The following PCDHA8 variants were observed in gnomAD, a reference collection of about 807,000 sequenced individuals.
PCDHA8 encodes the protein protocadherin alpha 8.
Under a neutral mutation model 61.8 loss-of-function variants are expected in PCDHA8, and 53 were observed. That is an observed-to-expected ratio of 0.86 (90% CI 0.69 to 1.08). The LOEUF (loss-of-function observed/expected upper bound fraction) is 1.08, where lower values mean the gene tolerates loss of function less well. Ranked by LOEUF, PCDHA8 falls within the 50% of genes least tolerant of loss-of-function variation. The pLI is 0.00. For missense variants in PCDHA8, 1,293 were observed against 1,245.0 expected (o/e 1.04, Z -0.58); for synonymous variants, 618 against 556.6 (o/e 1.11, Z -1.55).
rs782568724 is a variant in PCDHA8, at chr5:140,927,659, A to C, written c.2395-51290A>C. Reference sequence around the variant, plus strand: ...AATGGGACTGTGTTATTCCGAGTTCAAGCCTTGGATCCAGATGAAGGGTCC... The same window carrying C: ...AATGGGACTGTGTTATTCCGAGTTCCAGCCTTGGATCCAGATGAAGGGTCC... On this transcript the variant is annotated intron_variant, in intron 1 of 3. Coordinates refer to ENST00000531613, the MANE Select transcript of PCDHA8 (RefSeq NM_018911.3). 4 of 1,614,108 alleles carry C rather than the reference A, an allele frequency of 2.5e-6. No homozygotes were observed. In the East Asian group the frequency reaches 6.7e-5, roughly 27 times the overall value.
chr5:140,982,827 T>G (rs2097010165), intron 3 of PCDHA8, among the ~76,000 whole-genome samples: 1 of 140,992 alleles, frequency 7.1e-6, no homozygotes, highest in Non-Finnish European at 1.6e-5. Flanking sequence ...TTTTTGGGGT[T>G]TGTTTGTTTG....
At chr5:140,967,498 T>A (rs1554229623) in intron 1 of PCDHA8, 3 of 1,613,108 alleles carry the variant, frequency 1.9e-6, no homozygotes, top group Non-Finnish European at 2.5e-6. Flanking sequence ...CACAGATCTC[T>A]GTGCGTGTCC....
intron 1 of PCDHA8, among the ~76,000 whole-genome samples, chr5:140,911,436 C>T (rs369054235): frequency 6.1e-4 from 93 of 152,242 alleles, no homozygotes; most frequent in South Asian, 2.9e-3. Context: ...TCCAATTTCC[C>T]GCAATTTCAG....
At chr5:140,985,154 G>T (rs2097139142) in intron 3 of PCDHA8, among the ~76,000 whole-genome samples, 1 of 152,086 alleles carries the variant, frequency 6.6e-6, no homozygotes, top group South Asian at 2.1e-4. Flanking sequence ...AGCCAGGATT[G>T]TCTCAATCTC....
At chr5:140,949,219 C>T (rs543953096) in intron 1 of PCDHA8, among the ~76,000 whole-genome samples, 3 of 151,842 alleles carry the variant, frequency 2.0e-5, no homozygotes, top group African/African-American at 7.2e-5. Flanking sequence ...TCTGTTTAGA[C>T]TTGTTCTGTG....
Position 140,927,828 on chromosome 5 carries a change from G to A in PCDHA8, c.2395-51121G>A, listed in dbSNP as rs782244639. The A allele has an allele frequency of 7.4e-6, 12 of 1,614,074 alleles. No individual in the cohort carries two copies. The South Asian group carries it at 9.9e-5, about 13-fold the overall frequency. On this transcript the variant is annotated intron_variant, in intron 1 of 3. Coordinates refer to ENST00000531613, the MANE Select transcript of PCDHA8 (RefSeq NM_018911.3). ...CGCTCTTGGAGGCATACATTGAGGC[G>A]AGGGACGAAGGTGTCTTTGGTTTAG...
intron 1 of PCDHA8, chr5:140,859,513 T>C: frequency 5.1e-6 from 1 of 196,260 alleles, no homozygotes; most frequent in Non-Finnish European, 1.0e-5. Context: ...ACCCATGATT[T>C]CATTTTTAAA....
intron 1 of PCDHA8, chr5:140,882,793 C>T (rs1176435531): frequency 1.9e-6 from 3 of 1,614,210 alleles, no homozygotes; most frequent in Non-Finnish European, 2.5e-6. Context: ...TGGATCCCAA[C>T]GATTATTTCA....
At chr5:140,959,859 T>A (rs2095514385) in intron 1 of PCDHA8, among the ~76,000 whole-genome samples, 1 of 152,192 alleles carries the variant, frequency 6.6e-6, no homozygotes, top group South Asian at 2.1e-4. Context: ...AGGAATTATG[T>A]AGCAAAATCT....
chr5:140,923,461 A>G (rs530510417), intron 1 of PCDHA8, among the ~76,000 whole-genome samples: 97 of 152,204 alleles, frequency 6.4e-4, no homozygotes, highest in African/African-American at 2.2e-3. Context: ...CCAGAGAGGT[A>G]GGGGCTGCAG....
chr5:141,003,001 C>T (rs1403843420), intron 3 of PCDHA8, among the ~76,000 whole-genome samples: 3 of 152,182 alleles, frequency 2.0e-5, no homozygotes, highest in Admixed American at 1.3e-4. Flanking sequence ...AGTTTATGTT[C>T]TATTAGGGAA....
chr5:140,884,468 C>G, intron 1 of PCDHA8: 4 of 1,613,762 alleles, frequency 2.5e-6, no homozygotes, highest in Non-Finnish European at 3.4e-6. Context: ...CGCGTGCGCG[C>G]CGGGCAAGCC....
intron 1 of PCDHA8, chr5:140,967,981 G>C: frequency 6.2e-7 from 1 of 1,614,202 alleles, no homozygotes; most frequent in Non-Finnish European, 8.5e-7. Flanking sequence ...TGGGTCTGGA[G>C]GCCACACTGC....
At chr5:140,952,471 A>G (rs1324501616) in intron 1 of PCDHA8, among the ~76,000 whole-genome samples, 2 of 152,204 alleles carry the variant, frequency 1.3e-5, no homozygotes, top group African/African-American at 2.4e-5. Context: ...AAGCATAAGG[A>G]AAGTGACATT....
chr5:140,927,918 CCTGA>C, intron 1 of PCDHA8: 1 of 1,614,220 alleles, frequency 6.2e-7, no homozygotes, highest in Non-Finnish European at 8.5e-7. Context: ...AACTGGACTT[CCTGA>C]CTCTTTCGAA....
chr5:140,956,177 A>G (rs1261759530), intron 1 of PCDHA8, among the ~76,000 whole-genome samples: 6 of 152,192 alleles, frequency 3.9e-5, no homozygotes, highest in Non-Finnish European at 8.8e-5. Flanking sequence ...AGAACTTCCA[A>G]TACTATGCTG....
Position 140,841,491 on chromosome 5 carries a change from C to A in PCDHA8, c.170C>A (p.Ala57Glu), listed in dbSNP as rs2150316592. The stretch of plus-strand genomic sequence containing the variant: ...GCGCAGGACCTGGGGCTGGAGCTGG[C>A]GGAGCTGGTGCCGCGCCTGTTCCGG... ...RIAQDLGLEL[A>E]ELVPRLFRVA... is the part of the protein sequence containing the mutation. Residue 57 changes from alanine (A) to glutamate (E), a missense_variant, in exon 1 of 4, where the codon GCG (alanine) becomes GAG (glutamate). By Grantham distance (107) the Ala-to-Glu change is moderately radical. Coordinates refer to ENST00000531613, the MANE Select transcript of PCDHA8 (RefSeq NM_018911.3). 2.8e-5 allele frequency: 45 copies of A among 1,612,948 alleles called. No individual in the cohort carries two copies. Among genetic ancestry groups the A allele is most frequent in the African/African-American group, 1.5e-4 (11 of 74,822 alleles).
chr5:140,973,468 C>T (rs2096588845), intron 1 of PCDHA8, among the ~76,000 whole-genome samples: 1 of 152,202 alleles, frequency 6.6e-6, no homozygotes, highest in East Asian at 1.9e-4. Context: ...TTTTAGTTTG[C>T]AAATTTCATA....
intron 3 of PCDHA8, among the ~76,000 whole-genome samples, chr5:141,008,739 C>A (rs1554261919): frequency 1.3e-5 from 2 of 152,166 alleles, no homozygotes; most frequent in Non-Finnish European, 2.9e-5. Context: ...AGACTGTGAG[C>A]ACACTGAGGG....
Sources: allele counts gnomAD v4.1 joint callset (sites outside exome capture counted in the v4.1 genomes callset), GRCh38; gene constraint gnomAD v4.1.1; transcripts MANE v1.5; gene names NCBI Gene and HGNC (gene_info 2026-07-23, HGNC 2026-07-21).